Variants in MOB2 observed in about 807,000 individuals in gnomAD.
MOB2 encodes the protein MOB kinase activator 2.
Under a neutral mutation model 27.4 loss-of-function variants are expected in MOB2, and 14 were observed. The ratio of observed to expected loss-of-function variants is 0.51; its 90% confidence interval spans 0.34 to 0.80. The LOEUF (loss-of-function observed/expected upper bound fraction) is 0.80. MOB2 is among the 30% of genes least tolerant of loss of function. The pLI is 0.01. For synonymous variants in MOB2, 167 were observed against 151.8 expected (o/e 1.10, Z -0.74); for missense variants, 304 against 354.6 (o/e 0.86, Z 1.15).
At position 1,470,689 on chromosome 11, in the gene MOB2, T is replaced by G. The variant is rs538566977; in HGVS notation, c.491-201A>C. On this transcript the variant is annotated intron_variant, in intron 4 of 4. Transcript: ENST00000329957. ...GGACTTGCCAACCCCGGGTCTGGGC[T>G]GCTGAGACCTCCCTGCGTGCTCAGG... is the stretch of plus-strand genomic sequence containing the variant. Among the ~76,000 whole-genome samples the G allele has an allele frequency of 4.6e-5, 7 of 152,328 alleles. No homozygotes were observed. The East Asian group carries it at 1.3e-3, about 29-fold the overall frequency.
intron 3 of MOB2, among the ~76,000 whole-genome samples, chr11:1,478,529 G>C (rs775397798): frequency 4.6e-5 from 7 of 152,160 alleles, no homozygotes; most frequent in Admixed American, 3.3e-4. Flanking sequence ...AAAGTGCCAC[G>C]GTCATTCACT....
chr11:1,486,728 A>T lies in MOB2; in HGVS notation c.-172T>A. 1.7e-6 allele frequency: 1 copy of T among 573,386 alleles called. No individual in the cohort carries two copies. Among genetic ancestry groups the T allele is most frequent in the Non-Finnish European group, 3.1e-6 (1 of 320,494 alleles). 35.5% of individuals were successfully genotyped at this position (573,386 alleles called of 1,614,324 possible). On this transcript the variant is annotated 5_prime_UTR_variant, in exon 1 of 5. Transcript: ENST00000329957. ...GCAAGGGCTGGCCAAGGCTGGTGAAACGAGGGAGCGTCTGAATTGGCCTTT... is the reference window on the plus strand; with the variant it reads ...GCAAGGGCTGGCCAAGGCTGGTGAATCGAGGGAGCGTCTGAATTGGCCTTT...
chr11:1,478,780 G>C (rs1370792406), intron 3 of MOB2, among the ~76,000 whole-genome samples: 1 of 152,138 alleles, frequency 6.6e-6, no homozygotes, highest in Non-Finnish European at 1.5e-5. Flanking sequence ...GTCTCCCTAG[G>C]AGTCAGACAT....
At chr11:1,483,217 C>G (rs1847935675) in intron 1 of MOB2, among the ~76,000 whole-genome samples, 1 of 152,140 alleles carries the variant, frequency 6.6e-6, no homozygotes, top group Non-Finnish European at 1.5e-5. Context: ...GCCCTGCGCC[C>G]TGCTCCCAGC....
At chr11:1,474,084 C>T (rs1847827204) in intron 3 of MOB2, among the ~76,000 whole-genome samples, 3 of 152,258 alleles carry the variant, frequency 2.0e-5, no homozygotes, top group Non-Finnish European at 4.4e-5. Context: ...CAGGTGGCCA[C>T]ATCCTGGCCA....
intron 3 of MOB2, among the ~76,000 whole-genome samples, chr11:1,479,687 G>T (rs992276911): frequency 6.6e-6 from 1 of 152,224 alleles, no homozygotes; most frequent in Non-Finnish European, 1.5e-5. Flanking sequence ...CTTTCAGGAC[G>T]CACTCACAGG....
In MOB2 at chr11:1,470,158, C is replaced by G; in HGVS notation, c.*14G>C. On this transcript the variant is annotated 3_prime_UTR_variant, in exon 5 of 5. Coordinates refer to ENST00000329957, the MANE Select transcript of MOB2 (RefSeq NM_001172223.3). ...TCTCTTTGCACACGTGTGCCCCTGTCCGGCCCGGGGGGCTCATCTCTCCTT... is the reference window on the plus strand; with the variant it reads ...TCTCTTTGCACACGTGTGCCCCTGTGCGGCCCGGGGGGCTCATCTCTCCTT... 6.3e-7 allele frequency: 1 copy of G among 1,579,342 alleles called. No homozygotes were observed. Among genetic ancestry groups the G allele is most frequent in the Non-Finnish European group, 8.6e-7 (1 of 1,163,352 alleles).
chr11:1,485,357 T>C (rs889633677), intron 1 of MOB2, among the ~76,000 whole-genome samples: 2 of 152,178 alleles, frequency 1.3e-5, no homozygotes, highest in African/African-American at 4.8e-5. Context: ...ATTCCTGATT[T>C]GAACTCACGA....
In MOB2 at chr11:1,469,825, C is replaced by T; in HGVS notation, c.*347G>A. 1.8e-6 allele frequency: 1 copy of T among 553,470 alleles called. No individual in the cohort carries two copies. The highest frequency in any genetic ancestry group is 1.5e-5 in the South Asian group (1 of 65,456). 34.3% of individuals were successfully genotyped at this position (553,470 alleles called of 1,614,324 possible). A position where few individuals can be genotyped will look rare whatever the true frequency, so the allele number is the denominator to read the frequency against. On this transcript the variant is annotated 3_prime_UTR_variant, in exon 5 of 5. Transcript: ENST00000329957. ...CACACCCTCCCCCCACGAGTTCCTC[C>T]TTTGAGGCCAGCAGCACCCGAGGGA...
rs1051272073 is a variant in MOB2, at chr11:1,486,637, C to T, written c.-81G>A. ...CACTCGCAAATGCCTGCTGCCGGGC[C>T]CTCCAGCCTCACTCCCTGGCCAATG... On this transcript the variant is annotated 5_prime_UTR_variant, in exon 1 of 5. Coordinates refer to ENST00000329957, the MANE Select transcript of MOB2 (RefSeq NM_001172223.3). 18 of 935,718 alleles carry T rather than the reference C, an allele frequency of 1.9e-5. No homozygotes were observed. Among genetic ancestry groups the T allele is most frequent in the Non-Finnish European group, 2.6e-5 (16 of 612,630 alleles). The allele number at this position is 935,718 out of a possible 1,614,324, so 58.0% of individuals were successfully genotyped here.
rs759103406 is a variant in MOB2, at chr11:1,481,063, G to A, written c.111-178C>T. ...GGGACACCAACGGTGAGGCTGCTCCGCAGAGGGGCCAGTGGAGCTGCCTTG... is the reference window on the plus strand; with the variant it reads ...GGGACACCAACGGTGAGGCTGCTCCACAGAGGGGCCAGTGGAGCTGCCTTG... On this transcript the variant is annotated intron_variant, in intron 1 of 4. Transcript: ENST00000329957. The A allele has an allele frequency of 1.1e-4, 83 of 762,360 alleles. 1 individual carries two copies. The highest frequency in any genetic ancestry group is 1.4e-4 in the Non-Finnish European group (65 of 474,572). The allele number at this position is 762,360 out of a possible 1,614,324, so 47.2% of individuals were successfully genotyped here. A position where few individuals can be genotyped will look rare whatever the true frequency, so the allele number is the denominator to read the frequency against.
intron 3 of MOB2, among the ~76,000 whole-genome samples, chr11:1,477,903 C>T (rs1433327328): frequency 1.3e-5 from 2 of 152,226 alleles, no homozygotes; most frequent in Non-Finnish European, 2.9e-5. Flanking sequence ...AGGTTTTCCA[C>T]TATTTGCTGT....
intron 1 of MOB2, among the ~76,000 whole-genome samples, chr11:1,485,580 G>A (rs115258118): frequency 6.6e-6 from 1 of 152,194 alleles, no homozygotes; most frequent in Non-Finnish European, 1.5e-5. Context: ...ATGCACACGG[G>A]TGCCGCAGCC....
At chr11:1,484,093 G>A (rs1056117585) in intron 1 of MOB2, among the ~76,000 whole-genome samples, 17 of 152,182 alleles carry the variant, frequency 1.1e-4, no homozygotes, top group Non-Finnish European at 1.9e-4. Flanking sequence ...ATGGAATCCT[G>A]GCCAGGCCCC....
rs758352524 is a variant in MOB2, at chr11:1,470,242, T to C, written c.737A>G (p.His246Arg). The change falls in exon 5 of 5, where the codon CAC becomes CGC. Residue 246 changes from histidine (H) to arginine (R), a missense_variant. His to Arg is a conservative substitution (Grantham distance 29). Transcript: ENST00000329957. ...EVLCSGAGGV[H>R]SGGSGDGAGS... ...GGCCCCATCCCCACTGCCCCCACTG[T>C]GGACCCCGCCGGCCCCGCTGCATAG... The C allele has an allele frequency of 6.2e-7, 1 of 1,612,436 alleles. No individual in the cohort carries two copies.
intron 3 of MOB2, among the ~76,000 whole-genome samples, chr11:1,480,023 AGGACC>A (rs1564910577): frequency 6.6e-6 from 1 of 152,266 alleles, no homozygotes; most frequent in Non-Finnish European, 1.5e-5. Context: ...TGGCCGAGCA[AGGACC>A]TGTGGCCTGC....
intron 1 of MOB2, among the ~76,000 whole-genome samples, chr11:1,483,107 C>T (rs1336393118): frequency 1.3e-5 from 2 of 152,242 alleles, no homozygotes; most frequent in African/African-American, 4.8e-5. Flanking sequence ...CCCCCGCAGG[C>T]TCACAGGCTC....
At position 1,484,722 on chromosome 11, in the gene MOB2, C is replaced by T. The variant is rs375462337; in HGVS notation, c.110+1725G>A. 6.1e-4 allele frequency among the ~76,000 whole-genome samples: 93 copies of T among 152,216 alleles called. 4 individuals carry two copies. In the South Asian group the frequency reaches 0.019, roughly 31 times the overall value. ...GGCCTGAAAACTGCATTTCTAACACCGTGTTCTAACCCGAGTTCTCCCTGG... is the reference window on the plus strand; with the variant it reads ...GGCCTGAAAACTGCATTTCTAACACTGTGTTCTAACCCGAGTTCTCCCTGG... On this transcript the variant is annotated intron_variant, in intron 1 of 4. Coordinates refer to ENST00000329957, the MANE Select transcript of MOB2 (RefSeq NM_001172223.3).
chr11:1,475,574 T>C (rs1466080159), intron 3 of MOB2, among the ~76,000 whole-genome samples: 1 of 152,220 alleles, frequency 6.6e-6, no homozygotes, highest in Non-Finnish European at 1.5e-5. Flanking sequence ...GGATTACAGG[T>C]GTGAGCCACC....
Sources: gnomAD v4.1 joint callset for allele counts (sites outside exome capture counted in the v4.1 genomes callset) on GRCh38, gnomAD v4.1.1 for gene constraint, MANE v1.5 for transcripts, NCBI Gene and HGNC (gene_info 2026-07-23, HGNC 2026-07-21) for gene names.